The following CES1 variants were observed in gnomAD, a reference collection of about 807,000 sequenced individuals.
The protein encoded by CES1 is carboxylesterase 1.
A neutral mutation model predicts 53.0 loss-of-function variants in CES1; 50 were observed. The ratio of observed to expected loss-of-function variants is 0.94; its 90% CI spans 0.75 to 1.19. The LOEUF (loss-of-function observed/expected upper bound fraction) is 1.19, where lower values mean the gene tolerates loss of function less well. Among genes scored for constraint, CES1 ranks in the 50% most tolerant of loss-of-function variants. The pLI is 0.00. For missense variants in CES1, 534 were observed against 538.0 expected, an observed-to-expected ratio of 0.99 and a Z score of 0.07; for synonymous variants, 202 against 210.1, an observed-to-expected ratio of 0.96 and a Z score of 0.33.
chr16:55,811,687 CA>C (rs1316006169), intron 9 of CES1, among the ~76,000 whole-genome samples: 1 of 152,194 alleles, frequency 6.6e-6, no homozygotes, highest in Non-Finnish European at 1.5e-5. Flanking sequence ...AACCTGGAGA[CA>C]AGCAGCCAGG....
intron 2 of CES1, among the ~76,000 whole-genome samples, chr16:55,828,510 T>C (rs1226005608): frequency 1.3e-5 from 2 of 152,156 alleles, no homozygotes; most frequent in Non-Finnish European, 2.9e-5. Flanking sequence ...GAATGCACGC[T>C]CCAGGAACCT....
At chr16:55,826,892 C>T (rs1315037835) in intron 2 of CES1, among the ~76,000 whole-genome samples, 1 of 152,138 alleles carries the variant, frequency 6.6e-6, no homozygotes, top group Non-Finnish European at 1.5e-5. Context: ...TTAGTTCTCC[C>T]AGTGTTCCAG....
intron 9 of CES1, among the ~76,000 whole-genome samples, chr16:55,811,923 T>C (rs2031716572): frequency 6.6e-6 from 1 of 152,202 alleles, no homozygotes; most frequent in African/African-American, 2.4e-5. Flanking sequence ...ATGCATGGCT[T>C]CCTGTCCTAA....
chr16:55,820,978 C>G (rs2032161351), intron 5 of CES1, among the ~76,000 whole-genome samples: 1 of 152,210 alleles, frequency 6.6e-6, no homozygotes, highest in Non-Finnish European at 1.5e-5. Flanking sequence ...CACCTCTTCT[C>G]TCTGCCTGCC....
chr16:55,815,360 C>A (rs1448583338), intron 8 of CES1, among the ~76,000 whole-genome samples: 2 of 152,128 alleles, frequency 1.3e-5, no homozygotes, highest in African/African-American at 4.8e-5. Flanking sequence ...TAAGGAAGGC[C>A]AGTCTGGCTG....
chr16:55,821,620 A>G, intron 4 of CES1, 99 bp from the exon 5 acceptor site: 1 of 1,332,170 alleles, frequency 7.5e-7, no homozygotes, highest in Non-Finnish European at 1.1e-6. Context: ...AACCCTTAAG[A>G]ATAAGGCTGG....
intron 1 of CES1, among the ~76,000 whole-genome samples, chr16:55,830,799 A>G (rs1442446311): frequency 5.5e-5 from 8 of 145,992 alleles, no homozygotes; most frequent in African/African-American, 1.3e-4. Context: ...GGAAGGAAGG[A>G]AGGAAGGAAG....
At chr16:55,816,597 T>C (rs1289690143) in intron 8 of CES1, among the ~76,000 whole-genome samples, 6 of 152,212 alleles carry the variant, frequency 3.9e-5, no homozygotes, top group African/African-American at 1.4e-4. Context: ...TGCCTCCTGA[T>C]TGTGGAAGGT....
At chr16:55,810,095 T>C (rs2031620414) in intron 11 of CES1, among the ~76,000 whole-genome samples, 1 of 152,070 alleles carries the variant, frequency 6.6e-6, no homozygotes, top group South Asian at 2.1e-4. Context: ...CTTCAACCAA[T>C]GACAAGTAGA....
rs777100508 is a variant in CES1 at position 55,821,485 on chromosome 16, G to A, written c.576C>T (p.His192=). The A allele has an allele frequency of 3.1e-6, 5 of 1,614,190 alleles. No homozygotes were observed. The highest frequency in any genetic ancestry group is 3.4e-6 in the Non-Finnish European group (4 of 1,180,042). The change falls in exon 5 of 14, where the codon CAC becomes CAT. Residue 192 remains histidine (H), a synonymous_variant. Coordinates refer to ENST00000360526, the MANE Select transcript of CES1 (RefSeq NM_001025195.2). ...AGCGCAGGGCAGCCACCTGGTCCAG[G>A]TGACCCCAGTTCCCCCGGCTGTGTT... ...GDEHSRGNWG[H]LDQVAALRWV...
chr16:55,826,479 T>C lies in CES1; in HGVS notation c.261-184A>G, dbSNP rs547287582. Among the ~76,000 whole-genome samples the C allele has an allele frequency of 1.5e-4, 23 of 152,050 alleles. No homozygotes were observed. The South Asian group carries it at 4.8e-3, about 32-fold the overall frequency. ...GTGGGGGCGCTGGGACTCACTAAGG[T>C]CTCCTAAGACCAAGCAGAGTGAGAA... On this transcript the variant is annotated intron_variant, in intron 2 of 13. Coordinates refer to ENST00000360526, the MANE Select transcript of CES1 (RefSeq NM_001025195.2).
chr16:55,827,277 CAAT>C (rs57486989), intron 2 of CES1, among the ~76,000 whole-genome samples: 2,594 of 143,766 alleles, frequency 0.018, 74 homozygotes, highest in African/African-American at 0.06. Flanking sequence ...AGAGGAATAA[CAAT>C]AATAATAATA....
intron 8 of CES1, among the ~76,000 whole-genome samples, chr16:55,813,816 C>T (rs2031811788): frequency 1.3e-5 from 2 of 152,340 alleles, no homozygotes; most frequent in South Asian, 4.1e-4. Context: ...ACAAAAAGCA[C>T]AAAAATGCAG....
intron 2 of CES1, among the ~76,000 whole-genome samples, 162 bp downstream of exon 2, chr16:55,828,605 A>T (rs1211244431): frequency 1.3e-5 from 2 of 152,116 alleles, no homozygotes; most frequent in Non-Finnish European, 2.9e-5. Context: ...CATGTGTTAA[A>T]TAATGGACTC....
rs1567497211 is a variant in CES1 at position 55,816,788 on chromosome 16, C to T, written c.945+136G>A. On this transcript the variant is annotated intron_variant, in intron 8 of 13. Transcript: ENST00000360526. Reference sequence around the variant, plus strand: ...GCTGTGTTACCCAGGTGAGTCACTACCCCTCTCTGGGCCTCAGAAACAAAC... The same window carrying T: ...GCTGTGTTACCCAGGTGAGTCACTATCCCTCTCTGGGCCTCAGAAACAAAC... 4 of 1,099,258 alleles carry T rather than the reference C, an allele frequency of 3.6e-6. No individual in the cohort carries two copies. The South Asian group carries it at 3.7e-5, about 10-fold the overall frequency. 68.1% of individuals were successfully genotyped at this position (1,099,258 alleles called of 1,614,324 possible). A position where few individuals can be genotyped will look rare whatever the true frequency, so the allele number is the denominator to read the frequency against.
intron 1 of CES1, among the ~76,000 whole-genome samples, chr16:55,830,592 C>T (rs1160532504): frequency 3.9e-5 from 6 of 152,042 alleles, no homozygotes; most frequent in African/African-American, 9.7e-5. Context: ...CATTTGAGGT[C>T]AGGAGTTCAA....
intron 8 of CES1, among the ~76,000 whole-genome samples, chr16:55,813,279 G>A (rs1247319506): frequency 2.0e-5 from 3 of 152,198 alleles, no homozygotes; most frequent in Admixed American, 1.3e-4. Flanking sequence ...CACTCATATT[G>A]AAATACATGT....
In CES1 at chr16:55,820,479, C is replaced by T. The variant is rs756412911; in HGVS notation, c.694G>A (p.Val232Ile). ...AGGTTCTTGGCCAATGGAGACAAAACCTGACAGCAGAGTGGAGGGGAGGAG... is the reference window on the plus strand; with the variant it reads ...AGGTTCTTGGCCAATGGAGACAAAATCTGACAGCAGAGTGGAGGGGAGGAG... ...SAGGESVSVL[V>I]LSPLAKNLFH... Residue 232 changes from valine (V) to isoleucine (I), a missense_variant and splice_region_variant, in exon 6 of 14, where the codon GTT (valine) becomes ATT (isoleucine). This residue lies in a region of CES1 where 85 missense variants were observed against 81.9 expected (regional missense o/e 1.04). Transcript: ENST00000360526. 8.8e-6 allele frequency: 14 copies of T among 1,584,584 alleles called. No individual in the cohort carries two copies. In the African/African-American group the frequency reaches 1.5e-4, roughly 17 times the overall value.
In CES1 at chr16:55,810,634, TG is replaced by T. The variant is rs1383766644; in HGVS notation, c.1200del (p.Thr401LeufsTer5). Reference sequence around the variant, plus strand: ...TCTGTTCCTCCTAAGTATTTCTCAGTGGCTTCTGGAATCAGTTCCTTAGCAA... The same window carrying T: ...TCTGTTCCTCCTAAGTATTTCTCAGTGCTTCTGGAATCAGTTCCTTAGCAA... ...VCIAKELIPE[A>X]TEKYLGGTDD... On this transcript the variant is annotated frameshift_variant, in exon 11 of 14. Transcript: ENST00000360526. LOFTEE classifies it high-confidence loss of function. 6.2e-7 allele frequency: 1 copy of T among 1,614,074 alleles called. No individual in the cohort carries two copies. Among genetic ancestry groups the T allele is most frequent in the African/African-American group, 1.3e-5 (1 of 74,912 alleles).
Sources: allele counts gnomAD v4.1 joint callset (sites outside exome capture counted in the v4.1 genomes callset), GRCh38; gene constraint gnomAD v4.1.1; regional missense constraint gnomAD v4.1.1; transcripts MANE v1.5; gene names NCBI Gene and HGNC (gene_info 2026-07-23, HGNC 2026-07-21).